The following RNF220 variants were observed in gnomAD, a reference collection of about 807,000 sequenced individuals.
RNF220 encodes ring finger protein 220.
Under a neutral mutation model 67.1 loss-of-function variants are expected in RNF220, and 7 were observed. That is an observed-to-expected ratio of 0.10 (90% CI 0.06 to 0.20). RNF220 has a LOEUF of 0.20. Ranked by LOEUF, RNF220 falls within the 10% of genes least tolerant of loss-of-function variation. The pLI, the probability that RNF220 is intolerant of heterozygous loss-of-function variation, is 1.00. For missense variants in RNF220, 565 were observed against 740.3 expected, an observed-to-expected ratio of 0.76 and a Z score of 2.75; for synonymous variants, 270 against 283.2, an observed-to-expected ratio of 0.95 and a Z score of 0.47.
At chr1:44,591,650 T>A (rs1313425296) in intron 2 of RNF220, among the ~76,000 whole-genome samples, 2 of 152,202 alleles carry the variant, frequency 1.3e-5, no homozygotes, top group Non-Finnish European at 2.9e-5. Context: ...CAATTTCCTG[T>A]CTAAATATTG....
chr1:44,575,622 T>A (rs1474212840), intron 2 of RNF220, among the ~76,000 whole-genome samples: 1 of 152,190 alleles, frequency 6.6e-6, no homozygotes, highest in African/African-American at 2.4e-5. Context: ...CCAGTTAGAA[T>A]GGCTATTATT....
intron 2 of RNF220, among the ~76,000 whole-genome samples, chr1:44,454,552 T>C (rs1652988760): frequency 6.6e-6 from 1 of 152,166 alleles, no homozygotes; most frequent in African/African-American, 2.4e-5. Context: ...TTTATTGCTG[T>C]GTGTTAGTGT....
At chr1:44,411,926 T>A in intron 1 of RNF220, 55 bp from the exon 2 acceptor site, 1 of 705,900 alleles carries the variant, frequency 1.4e-6, no homozygotes, top group Non-Finnish European at 2.3e-6. Context: ...TTTCCCTTTT[T>A]TTCCTCCCCC....
rs763272451 is a variant in RNF220, at chr1:44,649,967, C to T, written c.1629+10C>T. The T allele has an allele frequency of 2.5e-6, 4 of 1,612,626 alleles. No individual in the cohort carries two copies. Among genetic ancestry groups the T allele is most frequent in the South Asian group, 1.1e-5 (1 of 91,046 alleles). ...CTGGCTGCGGACCCTGGTGAGGTGGCATGGGGGTCGGGGAATGGGAGGCCG... is the reference window on the plus strand; with the variant it reads ...CTGGCTGCGGACCCTGGTGAGGTGGTATGGGGGTCGGGGAATGGGAGGCCG... On this transcript the variant is annotated intron_variant, in intron 14 of 14. Coordinates refer to ENST00000361799, the MANE Select transcript of RNF220 (RefSeq NM_018150.4). This position sits in a 1 kb window ranked among gnomAD's most constrained non-coding sequence, Gnocchi z 5.9.
chr1:44,447,943 C>T (rs989882454), intron 2 of RNF220, among the ~76,000 whole-genome samples: 3 of 152,262 alleles, frequency 2.0e-5, no homozygotes, highest in Admixed American at 6.5e-5. Context: ...CGCTTAGCTA[C>T]GGGGAGATGA....
intron 2 of RNF220, among the ~76,000 whole-genome samples, chr1:44,438,818 A>C (rs1651249841): frequency 6.6e-6 from 1 of 152,248 alleles, no homozygotes; most frequent in Admixed American, 6.5e-5. Context: ...TAATGAGTAG[A>C]TAATAAGTAG....
intron 2 of RNF220, among the ~76,000 whole-genome samples, chr1:44,413,433 G>C (rs1473242850): frequency 6.6e-6 from 1 of 152,142 alleles, no homozygotes; most frequent in African/African-American, 2.4e-5. Flanking sequence ...ATTAATTTCT[G>C]CTTATGAAAC....
intron 2 of RNF220, among the ~76,000 whole-genome samples, chr1:44,459,923 A>G (rs1320703819): frequency 2.6e-5 from 4 of 152,166 alleles, no homozygotes; most frequent in South Asian, 4.1e-4. Context: ...GTCACTGATG[A>G]TCTTGGTGCT....
At chr1:44,544,068 G>A (rs894652628) in intron 2 of RNF220, among the ~76,000 whole-genome samples, 7 of 152,232 alleles carry the variant, frequency 4.6e-5, no homozygotes, top group South Asian at 2.1e-4. Context: ...CCCTGACCCT[G>A]TCCCATCTTC....
intron 2 of RNF220, among the ~76,000 whole-genome samples, chr1:44,562,798 C>G (rs1467625947): frequency 6.6e-6 from 1 of 152,132 alleles, no homozygotes; most frequent in Non-Finnish European, 1.5e-5. Context: ...CATTAGAAAT[C>G]AAAGCAGGCC....
intron 2 of RNF220, among the ~76,000 whole-genome samples, chr1:44,603,822 G>A (rs955543668): frequency 6.6e-6 from 1 of 152,158 alleles, no homozygotes; most frequent in Non-Finnish European, 1.5e-5. Context: ...CTAGCAGGCA[G>A]CGCCTGAGGC....
At chr1:44,409,571 A>C (rs954630454) in intron 1 of RNF220, among the ~76,000 whole-genome samples, 7 of 152,226 alleles carry the variant, frequency 4.6e-5, no homozygotes, top group Non-Finnish European at 2.9e-5. Flanking sequence ...CAATAGCTGG[A>C]GTTATTTTAA....
At position 44,650,642 on chromosome 1, in the gene RNF220, G is replaced by A; in HGVS notation, c.1630-62G>A. 6.4e-7 allele frequency: 1 copy of A among 1,556,214 alleles called. No individual in the cohort carries two copies. The highest frequency in any genetic ancestry group is 1.1e-5 in the South Asian group (1 of 89,898). ...CAGAGAGACATGGCTGCAGGCCCAG[G>A]TGCTCACATGCGCACACATGGCTCA... On this transcript the variant is annotated intron_variant, in intron 14 of 14. Transcript: ENST00000361799. The surrounding 1 kb of genome is among the most constrained non-coding windows in gnomAD (Gnocchi z 4.3).
At chr1:44,641,442 G>A (rs1034063913) in intron 8 of RNF220, among the ~76,000 whole-genome samples, 1 of 152,140 alleles carries the variant, frequency 6.6e-6, no homozygotes, top group African/African-American at 2.4e-5. Context: ...GCCTGTTATC[G>A]CTGGAGCTAC....
At position 44,410,269 on chromosome 1, in the gene RNF220, C is replaced by T. The variant is rs112682242; in HGVS notation, c.-117-1712C>T. Among the ~76,000 whole-genome samples, 503 of 152,266 alleles carry T rather than the reference C, an allele frequency of 3.3e-3. 4 individuals are homozygous for T. Among genetic ancestry groups the T allele is most frequent in the African/African-American group, 0.011 (461 of 41,536 alleles). ...TCTGTTGTGAAGAGCTGCTTAGAAC[C>T]CTTGGAACAGCCCTAGACCCACTTT... On this transcript the variant is annotated intron_variant, in intron 1 of 14. Transcript: ENST00000361799.
intron 2 of RNF220, among the ~76,000 whole-genome samples, chr1:44,512,703 G>A (rs867886094): frequency 1.3e-5 from 2 of 152,206 alleles, no homozygotes; most frequent in African/African-American, 4.8e-5. Flanking sequence ...GCTAAGTGAC[G>A]ACGGAGGCGG....
chr1:44,614,955 G>A (rs1643481311), intron 3 of RNF220, among the ~76,000 whole-genome samples: 1 of 152,222 alleles, frequency 6.6e-6, no homozygotes, highest in African/African-American at 2.4e-5. Context: ...CAGGAATTCA[G>A]ATAAGGCACA....
intron 2 of RNF220, among the ~76,000 whole-genome samples, chr1:44,512,038 G>C (rs1404481416): frequency 6.6e-6 from 1 of 152,140 alleles, no homozygotes; most frequent in African/African-American, 2.4e-5. Context: ...TAATGGGTGT[G>C]CCACAAGTGG....
chr1:44,525,912 C>T (rs540192400), intron 2 of RNF220, among the ~76,000 whole-genome samples: 1 of 152,262 alleles, frequency 6.6e-6, no homozygotes, highest in East Asian at 1.9e-4. Context: ...TCCTTATGTC[C>T]GTTCTCCTTC....
Sources: gnomAD v4.1 joint callset for allele counts (sites outside exome capture counted in the v4.1 genomes callset) on GRCh38, gnomAD v4.1.1 for gene constraint, Gnocchi (gnomAD v3.1) non-coding constraint, MANE v1.5 for transcripts, NCBI Gene and HGNC (gene_info 2026-07-23, HGNC 2026-07-21) for gene names.